TP53BP1: variants seen among roughly 807,000 people sequenced by gnomAD.
TP53BP1 encodes TP53-binding protein 1.
Under a neutral mutation model 200.8 loss-of-function variants are expected in TP53BP1, and 61 were observed. The ratio of observed to expected loss-of-function variants is 0.30; its 90% CI spans 0.25 to 0.38. The LOEUF is 0.38. Among genes scored for constraint, TP53BP1 ranks in the 10% least tolerant of loss-of-function variants. The pLI is 1.00. For missense variants in TP53BP1, 2,144 were observed against 2,371.9 expected (o/e 0.90, Z 2.00); for synonymous variants, 822 against 844.3 (o/e 0.97, Z 0.46).
intron 11 of TP53BP1, among the ~76,000 whole-genome samples, chr15:43,467,621 T>C (rs894429585): frequency 2.7e-4 from 41 of 152,080 alleles, no homozygotes; most frequent in African/African-American, 9.7e-4. Flanking sequence ...ATTCTCCCTT[T>C]GTGGCCAGGC....
At chr15:43,415,951 C>T in intron 22 of TP53BP1, 142 bp from the exon 23 acceptor site, 1 of 758,276 alleles carries the variant, frequency 1.3e-6, no homozygotes, top group Non-Finnish European at 2.1e-6. Flanking sequence ...CTTTTTAAGG[C>T]CATATTTTTT....
At chr15:43,442,082 A>ATTT (rs1158826286) in intron 14 of TP53BP1, among the ~76,000 whole-genome samples, 8 of 123,514 alleles carry the variant, frequency 6.5e-5, no homozygotes, top group African/African-American at 9.0e-5. Context: ...ATTTGTTTTA[A>ATTT]TTTTTTTTTT....
At chr15:43,462,028 A>G (rs1004834370) in intron 11 of TP53BP1, among the ~76,000 whole-genome samples, 1 of 151,482 alleles carries the variant, frequency 6.6e-6, no homozygotes, top group Non-Finnish European at 1.5e-5. Flanking sequence ...GTTAATAAAC[A>G]TATATCAAAA....
intron 23 of TP53BP1, among the ~76,000 whole-genome samples, chr15:43,413,847 CCCA>C (rs2045195602): frequency 1.3e-5 from 2 of 151,684 alleles, no homozygotes; most frequent in South Asian, 4.2e-4. Context: ...GATAGATCCT[CCCA>C]CCCCATCACT....
chr15:43,417,926 T>C (rs1595527971), intron 21 of TP53BP1, among the ~76,000 whole-genome samples: 1 of 152,254 alleles, frequency 6.6e-6, no homozygotes, highest in South Asian at 2.1e-4. Flanking sequence ...ACTACTGTAA[T>C]CCCAGCACTT....
intron 8 of TP53BP1, among the ~76,000 whole-genome samples, 154 bp downstream of exon 8, chr15:43,477,439 C>T (rs574098490): frequency 6.6e-6 from 1 of 152,104 alleles, no homozygotes; most frequent in East Asian, 1.9e-4. Context: ...CCAAAAAGCC[C>T]TTCTCACTAA....
At chr15:43,482,325 T>C (rs2078983908) in intron 4 of TP53BP1, among the ~76,000 whole-genome samples, 1 of 152,104 alleles carries the variant, frequency 6.6e-6, no homozygotes, top group African/African-American at 2.4e-5. Flanking sequence ...ATTAATAACA[T>C]ATATCACCGT....
chr15:43,483,683 A>G (rs1277407857), intron 4 of TP53BP1, among the ~76,000 whole-genome samples: 3 of 152,258 alleles, frequency 2.0e-5, no homozygotes, highest in Admixed American at 6.5e-5. Context: ...AAAGCAAAAT[A>G]GAACATTATC....
chr15:43,476,280 T>C (rs1317114182), intron 8 of TP53BP1, among the ~76,000 whole-genome samples: 2 of 151,888 alleles, frequency 1.3e-5, no homozygotes, highest in Non-Finnish European at 2.9e-5. Context: ...AATAAATAAA[T>C]AAATAAAATA....
Position 43,477,694 on chromosome 15 carries a change from G to A in TP53BP1, c.854C>T (p.Ser285Phe). 3 of 1,613,632 alleles carry A rather than the reference G, an allele frequency of 1.9e-6. No individual in the cohort carries two copies. Among genetic ancestry groups the A allele is most frequent in the South Asian group, 2.2e-5 (2 of 91,006 alleles). Residue 285 changes from serine (S) to phenylalanine (F), a missense_variant, in exon 8 of 28, where the codon TCT becomes TTT. Ser to Phe is a radical substitution (Grantham distance 155). Around this residue, in one of 4 missense-constraint regions of TP53BP1, gnomAD observed 1,700 missense variants for 1,710.3 expected, o/e 0.99. Transcript: ENST00000382044. Reference sequence around the variant, plus strand: ...TCCACTTTCCATAAGTTCTTGTGCAGACAACTGTTCTTTTGCTTCCATAGC... The same window carrying A: ...TCCACTTTCCATAAGTTCTTGTGCAAACAACTGTTCTTTTGCTTCCATAGC... ...VAAMEAKEQL[S>F]AQELMESGLQ...
chr15:43,482,228 C>G (rs1349732734), intron 4 of TP53BP1, among the ~76,000 whole-genome samples: 3 of 151,260 alleles, frequency 2.0e-5, no homozygotes, highest in African/African-American at 7.3e-5. Flanking sequence ...GACTCCACCT[C>G]AAAAAACAAC....
chr15:43,465,165 TTCCATTTGTAGACTGGTGTCTACAA>T (rs996862065), intron 11 of TP53BP1, among the ~76,000 whole-genome samples: 1 of 151,936 alleles, frequency 6.6e-6, no homozygotes, highest in Non-Finnish European at 1.5e-5. Flanking sequence ...GGTGTCTACT[TTCCATTTGTAGACTGGTGTCTACAA>T]ATCTATAGAG....
Position 43,415,080 on chromosome 15 carries a change from G to T in TP53BP1, c.5089+514C>A, listed in dbSNP as rs184185008. 113 of 182,404 alleles carry T rather than the reference G, an allele frequency of 6.2e-4. 1 individual carries two copies. Among genetic ancestry groups the T allele is most frequent in the Non-Finnish European group, 9.2e-4 (79 of 85,878 alleles). The allele number at this position is 182,404 out of a possible 1,614,324, so 11.3% of individuals were successfully genotyped here. A position where few individuals can be genotyped will look rare whatever the true frequency, so the allele number is the denominator to read the frequency against. On this transcript the variant is annotated intron_variant, in intron 23 of 27. Coordinates refer to ENST00000382044, the MANE Select transcript of TP53BP1 (RefSeq NM_001141980.3). ...GAGAGGGGAGCAGAATTTCCAGGAA[G>T]AAGATGGTGCAGGCAAAGAGAAATT...
Position 43,460,019 on chromosome 15 carries a change from C to A in TP53BP1, c.1390-2801G>T, listed in dbSNP as rs1191895615. On this transcript the variant is annotated intron_variant, in intron 11 of 27. Coordinates refer to ENST00000382044, the MANE Select transcript of TP53BP1 (RefSeq NM_001141980.3). Reference sequence around the variant, plus strand: ...GAAACTTTTTAGGGTGAGGGAACTGCTCTCTACTTTGATGGTGGTGATGGT... The same window carrying A: ...GAAACTTTTTAGGGTGAGGGAACTGATCTCTACTTTGATGGTGGTGATGGT... Among the ~76,000 whole-genome samples, 4 of 152,146 alleles carry A rather than the reference C, an allele frequency of 2.6e-5. No homozygotes were observed. The East Asian group carries it at 7.7e-4, about 29-fold the overall frequency.
intron 18 of TP53BP1, among the ~76,000 whole-genome samples, chr15:43,423,476 G>A (rs1187972699): frequency 7.0e-6 from 1 of 142,524 alleles, no homozygotes; most frequent in Non-Finnish European, 1.5e-5. Context: ...TGGCCATCAT[G>A]GTGAAACCCC....
At position 43,437,571 on chromosome 15, in the gene TP53BP1, C is replaced by T. The variant is rs1381257047; in HGVS notation, c.3191+753G>A. ...TAAAGGCTTCAGTGAGCCATGTTCA[C>T]GCCACTTCACTCCAGCCTGGGTGAC... On this transcript the variant is annotated intron_variant, in intron 16 of 27. Coordinates refer to ENST00000382044, the MANE Select transcript of TP53BP1 (RefSeq NM_001141980.3). 2.0e-5 allele frequency among the ~76,000 whole-genome samples: 3 copies of T among 152,166 alleles called. 1 individual carries two copies. The East Asian group carries it at 5.8e-4, about 29-fold the overall frequency.
chr15:43,498,648 G>A (rs2140172470), intron 1 of TP53BP1, among the ~76,000 whole-genome samples: 1 of 152,242 alleles, frequency 6.6e-6, no homozygotes, highest in South Asian at 2.1e-4. Flanking sequence ...TGTAACAGAT[G>A]ATCCAGAACT....
intron 7 of TP53BP1, among the ~76,000 whole-genome samples, chr15:43,478,811 TAAG>T (rs1467975460): frequency 6.6e-6 from 1 of 152,196 alleles, no homozygotes; most frequent in Non-Finnish European, 1.5e-5. Flanking sequence ...CCAGAGAGGC[TAAG>T]AAGACCTCCC....
At chr15:43,478,032 A>G (rs2078910080) in intron 7 of TP53BP1, among the ~76,000 whole-genome samples, 1 of 152,222 alleles carries the variant, frequency 6.6e-6, no homozygotes, top group Admixed American at 6.5e-5. Context: ...ATTTCTGATG[A>G]GTAACTTGGG....
Sources: gnomAD v4.1 joint callset for allele counts (sites outside exome capture counted in the v4.1 genomes callset) on GRCh38, gnomAD v4.1.1 for gene constraint, gnomAD v4.1.1 regional missense constraint, MANE v1.5 for transcripts, NCBI Gene and HGNC (gene_info 2026-07-23, HGNC 2026-07-21) for gene names.